ZFYVE9: variants seen among roughly 807,000 people sequenced by gnomAD.
The protein encoded by ZFYVE9 is zinc finger FYVE domain-containing protein 9.
In ZFYVE9, 43 loss-of-function variants were observed where a neutral mutation model predicts 126.7. The observed-to-expected ratio is 0.34, with a 90% CI of 0.27 to 0.44. The LOEUF is 0.44. Ranked by LOEUF, ZFYVE9 falls within the 20% of genes least tolerant of loss-of-function variation. The pLI, the probability that ZFYVE9 is intolerant of heterozygous loss-of-function variation, is 1.00. For missense variants in ZFYVE9, 1,476 were observed against 1,697.0 expected (o/e 0.87, Z 2.29); for synonymous variants, 521 against 597.4 (o/e 0.87, Z 1.87).
chr1:52,214,870 C>T (rs1427351398), intron 1 of ZFYVE9, among the ~76,000 whole-genome samples: 1 of 152,104 alleles, frequency 6.6e-6, no homozygotes, highest in South Asian at 2.1e-4. Context: ...AGAGAGAATT[C>T]CCTCTTCCTC....
rs372467912 is a variant in ZFYVE9 at position 52,166,616 on chromosome 1, T to TA, written c.-143+24223dup. Among the ~76,000 whole-genome samples the TA allele has an allele frequency of 4.7e-5, 7 of 149,762 alleles. 1 individual carries two copies. Among genetic ancestry groups the TA allele is most frequent in the South Asian group, 4.2e-4 (2 of 4,714 alleles). ...TATATACTAATTCTACCCTGATGAT[T>TA]AAAAAAAAAAGTTTTAGGCTGGGTG... On this transcript the variant is annotated intron_variant, in intron 1 of 18. Coordinates refer to ENST00000287727, the MANE Select transcript of ZFYVE9 (RefSeq NM_004799.4).
At chr1:52,144,022 G>T (rs1644285658) in intron 1 of ZFYVE9, among the ~76,000 whole-genome samples, 1 of 152,140 alleles carries the variant, frequency 6.6e-6, no homozygotes, top group African/African-American at 2.4e-5. Context: ...AGGCTGAATG[G>T]GGAGGACCCC....
rs536453082 is a variant in ZFYVE9, at chr1:52,333,605, T to C, written c.3589+687T>C. On this transcript the variant is annotated intron_variant, in intron 14 of 18. Transcript: ENST00000287727. ...ACCCAAAGTGTTTTCTCAGGCACCA[T>C]GGTGTTAAAAACTTCACATGAAAAA... is the stretch of plus-strand genomic sequence containing the variant. Among the ~76,000 whole-genome samples the C allele has an allele frequency of 2.6e-5, 4 of 152,298 alleles. No homozygotes were observed. In the South Asian group the frequency reaches 8.3e-4, roughly 32 times the overall value.
chr1:52,233,248 G>A lies in ZFYVE9; in HGVS notation c.42G>A (p.Lys14=), dbSNP rs764640369. Residue 14 remains lysine, a synonymous_variant, in exon 3 of 19, where the codon AAG becomes AAA. Coordinates refer to ENST00000287727, the MANE Select transcript of ZFYVE9 (RefSeq NM_004799.4). ...AAGCAGAAGCTTACAACCTGGACAA[G>A]GTGTTAGATGAATTTGAACAAAACG... ...YFQAEAYNLD[K]VLDEFEQNED... 1 of 1,584,092 alleles carries A rather than the reference G, an allele frequency of 6.3e-7. No individual in the cohort carries two copies. Among genetic ancestry groups the A allele is most frequent in the Non-Finnish European group, 8.6e-7 (1 of 1,162,498 alleles).
intron 4 of ZFYVE9, among the ~76,000 whole-genome samples, chr1:52,247,082 G>A (rs1338441064): frequency 1.3e-5 from 2 of 151,958 alleles, no homozygotes; most frequent in African/African-American, 2.4e-5. Context: ...TCTTCACCTC[G>A]GCCTCCCCAA....
chr1:52,183,997 C>T (rs1056504732), intron 1 of ZFYVE9, among the ~76,000 whole-genome samples: 2 of 150,668 alleles, frequency 1.3e-5, no homozygotes, highest in African/African-American at 4.9e-5. Context: ...CCTGGCCAAG[C>T]TTTTCTTTTT....
intron 2 of ZFYVE9, among the ~76,000 whole-genome samples, chr1:52,231,433 G>T (rs1194987560): frequency 6.6e-6 from 1 of 151,806 alleles, no homozygotes; most frequent in South Asian, 2.1e-4. Flanking sequence ...CAGGAGAATC[G>T]CTTGAATCCA....
At chr1:52,180,639 T>C in intron 1 of ZFYVE9, 1 of 479,172 alleles carries the variant, frequency 2.1e-6, no homozygotes, top group Admixed American at 3.4e-5. Context: ...TTCTGGTTTT[T>C]AGTTTTGTAC....
chr1:52,193,373 G>A (rs1466823374), intron 1 of ZFYVE9, among the ~76,000 whole-genome samples: 1 of 139,642 alleles, frequency 7.2e-6, no homozygotes, highest in Non-Finnish European at 1.5e-5. Flanking sequence ...ACATCATTTT[G>A]GAGGGTAATT....
chr1:52,228,166 T>C (rs1046424463), intron 2 of ZFYVE9, among the ~76,000 whole-genome samples: 23 of 152,118 alleles, frequency 1.5e-4, no homozygotes, highest in African/African-American at 5.6e-4. Context: ...GCAACCTCCG[T>C]CTCCTGAGCT....
At chr1:52,218,981 A>C (rs75220411) in intron 2 of ZFYVE9, among the ~76,000 whole-genome samples, 1 of 152,172 alleles carries the variant, frequency 6.6e-6, no homozygotes, top group Admixed American at 6.5e-5. Context: ...GGTTTTGGCA[A>C]TTTGAGGGGG....
chr1:52,335,810 G>A (rs145738030), intron 15 of ZFYVE9, among the ~76,000 whole-genome samples: 1 of 152,276 alleles, frequency 6.6e-6, no homozygotes, highest in African/African-American at 2.4e-5. Flanking sequence ...CATTTTTACA[G>A]TAGCTCACTC....
intron 7 of ZFYVE9, among the ~76,000 whole-genome samples, chr1:52,269,921 G>A (rs1288929686): frequency 6.6e-6 from 1 of 151,960 alleles, no homozygotes; most frequent in Non-Finnish European, 1.5e-5. Flanking sequence ...CCAAATAGCT[G>A]GGACTGTAGG....
At chr1:52,178,569 T>C (rs2124536024) in intron 1 of ZFYVE9, among the ~76,000 whole-genome samples, 1 of 152,086 alleles carries the variant, frequency 6.6e-6, no homozygotes, top group East Asian at 2.0e-4. Context: ...GACCTTGTGA[T>C]CCACCTGCCT....
chr1:52,277,137 A>G (rs1337623911), intron 8 of ZFYVE9, among the ~76,000 whole-genome samples: 1 of 152,230 alleles, frequency 6.6e-6, no homozygotes, highest in Non-Finnish European at 1.5e-5. Context: ...ATCTTAGATT[A>G]ATAAGGAACT....
intron 1 of ZFYVE9, among the ~76,000 whole-genome samples, chr1:52,193,357 T>C (rs972657292): frequency 4.8e-5 from 7 of 144,986 alleles, no homozygotes; most frequent in Non-Finnish European, 1.0e-4. Context: ...CAAAAGCATA[T>C]TAGGCACATC....
At chr1:52,163,815 A>T (rs75903540) in intron 1 of ZFYVE9, among the ~76,000 whole-genome samples, 2 of 146,098 alleles carry the variant, frequency 1.4e-5, no homozygotes, top group African/African-American at 2.5e-5. Flanking sequence ...CTAAATTATT[A>T]AAAAAAAAAA....
At position 52,342,558 on chromosome 1, in the gene ZFYVE9, G is replaced by A. The variant is rs149005397; in HGVS notation, c.3940-2210G>A. The stretch of plus-strand genomic sequence containing the variant: ...GTGCCTTTTTTTTTTTTTTTGAGAC[G>A]GAGTCTCGCTCTTGTCACCCAGGCT... On this transcript the variant is annotated intron_variant, in intron 17 of 18. Coordinates refer to ENST00000287727, the MANE Select transcript of ZFYVE9 (RefSeq NM_004799.4). Among the ~76,000 whole-genome samples, 373 of 143,932 alleles carry A rather than the reference G, an allele frequency of 2.6e-3. 2 individuals carry two copies. The highest frequency in any genetic ancestry group is 4.1e-3 in the Non-Finnish European group (267 of 65,902). 94.4% of individuals were successfully genotyped at this position (143,932 alleles called of 152,430 possible).
At chr1:52,270,431 T>C (rs1383498720) in intron 7 of ZFYVE9, among the ~76,000 whole-genome samples, 1 of 152,052 alleles carries the variant, frequency 6.6e-6, no homozygotes, top group Non-Finnish European at 1.5e-5. Context: ...GCCCAGCTAA[T>C]TTTTATGTAT....
Sources: gnomAD v4.1 joint callset for allele counts (sites outside exome capture counted in the v4.1 genomes callset) on GRCh38, gnomAD v4.1.1 for gene constraint, MANE v1.5 for transcripts, NCBI Gene and HGNC (gene_info 2026-07-23, HGNC 2026-07-21) for gene names.